CERS6: variants seen among roughly 807,000 people sequenced by gnomAD.
CERS6 encodes LAG1 homolog, ceramide synthase 6.
CERS6 carries 26 observed loss-of-function variants against 56.8 expected under a neutral mutation model. The observed-to-expected ratio is 0.46, with a 90% CI of 0.34 to 0.63. The LOEUF is 0.63. Among genes scored for constraint, CERS6 ranks in the 30% least tolerant of loss-of-function variants. The probability of loss-of-function intolerance (pLI) is 0.01; values close to 1 mark genes in which losing one functional copy is unlikely to be tolerated. For missense variants in CERS6, 415 were observed against 467.5 expected (o/e 0.89, Z 1.04); for synonymous variants, 164 against 173.3 (o/e 0.95, Z 0.42).
intron 1 of CERS6, among the ~76,000 whole-genome samples, chr2:168,513,365 G>A (rs752172070): frequency 6.6e-6 from 1 of 151,752 alleles, no homozygotes; most frequent in Non-Finnish European, 1.5e-5. Flanking sequence ...CTTTTTTTCT[G>A]TTCCAGGGTC....
intron 4 of CERS6, chr2:168,644,396 A>G: frequency 1.0e-6 from 1 of 975,126 alleles, no homozygotes; most frequent in Non-Finnish European, 1.2e-6. Context: ...GAATGATGAG[A>G]GGCAAGTGAG....
intron 1 of CERS6, among the ~76,000 whole-genome samples, chr2:168,477,172 A>T (rs1694088384): frequency 8.8e-6 from 1 of 113,098 alleles, no homozygotes. Flanking sequence ...TGAGGGAGAG[A>T]CAGAGAGAGA....
intron 6 of CERS6, among the ~76,000 whole-genome samples, chr2:168,698,198 C>CTGG (rs1686709282): frequency 7.6e-6 from 1 of 130,914 alleles, no homozygotes; most frequent in African/African-American, 2.8e-5. Context: ...CACCGCCGCA[C>CTGG]TCCAGCCGGG....
intron 3 of CERS6, among the ~76,000 whole-genome samples, chr2:168,563,207 G>A (rs1369837777): frequency 6.6e-6 from 1 of 152,144 alleles, no homozygotes; most frequent in Non-Finnish European, 1.5e-5. Flanking sequence ...TGGTGCCATT[G>A]GTCTATAGGT....
At chr2:168,519,650 T>G (rs545651233) in intron 1 of CERS6, among the ~76,000 whole-genome samples, 9 of 152,300 alleles carry the variant, frequency 5.9e-5, no homozygotes, top group Non-Finnish European at 8.8e-5. Flanking sequence ...GTTTTCTGTT[T>G]CCATGACAGT....
In CERS6 at chr2:168,773,039, T is replaced by G. The variant is rs891331703; in HGVS notation, c.*3377T>G. Reference sequence around the variant, plus strand: ...AGGGCCTGAATCTTCCATTTTATATTCAAACCTCATTGTTATTTGGCCTAA... The same window carrying G: ...AGGGCCTGAATCTTCCATTTTATATGCAAACCTCATTGTTATTTGGCCTAA... On this transcript the variant is annotated 3_prime_UTR_variant, in exon 10 of 10. Coordinates refer to ENST00000305747, the MANE Select transcript of CERS6 (RefSeq NM_203463.3). The G allele has an allele frequency of 1.3e-5, 2 of 152,234 alleles. No homozygotes were observed. The highest frequency in any genetic ancestry group is 2.9e-5 in the Non-Finnish European group (2 of 68,040). 9.4% of individuals were successfully genotyped at this position (152,234 alleles called of 1,614,324 possible).
intron 8 of CERS6, among the ~76,000 whole-genome samples, chr2:168,721,568 T>TAAAC (rs1687369818): frequency 4.0e-5 from 1 of 25,168 alleles, no homozygotes; most frequent in African/African-American, 1.3e-4. Context: ...TTTTTTTTGT[T>TAAAC]TAAAAAAAAC....
intron 1 of CERS6, among the ~76,000 whole-genome samples, chr2:168,534,893 A>G (rs114554134): frequency 0.021 from 3,125 of 152,296 alleles, 129 homozygotes; most frequent in East Asian, 0.18. Flanking sequence ...ATTAGGTCCA[A>G]GGAGATCCGT....
At chr2:168,543,873 C>T (rs1695416073) in intron 1 of CERS6, among the ~76,000 whole-genome samples, 1 of 152,136 alleles carries the variant, frequency 6.6e-6, no homozygotes, top group Admixed American at 6.6e-5. Flanking sequence ...GAAGTGGCTT[C>T]TTGAGTTGGA....
chr2:168,550,745 C>T (rs1695555261), intron 2 of CERS6, among the ~76,000 whole-genome samples: 1 of 152,234 alleles, frequency 6.6e-6, no homozygotes, highest in South Asian at 2.1e-4. Context: ...TGCATTGCAA[C>T]CTCTATGCCC....
At chr2:168,611,807 A>G (rs1216356768) in intron 3 of CERS6, among the ~76,000 whole-genome samples, 1 of 152,232 alleles carries the variant, frequency 6.6e-6, no homozygotes, top group Non-Finnish European at 1.5e-5. Context: ...TAAATTTAAC[A>G]AAAAAGCAAC....
intron 3 of CERS6, 50 bp downstream of exon 3, chr2:168,561,372 A>T: frequency 6.2e-7 from 1 of 1,606,322 alleles, no homozygotes; most frequent in Middle Eastern, 1.7e-4. Context: ...TACTCATGCC[A>T]ACCCTGAGGT....
chr2:168,773,635 G>C lies in CERS6; in HGVS notation c.*3973G>C, dbSNP rs968647493. The C allele has an allele frequency of 6.6e-6, 1 of 152,224 alleles. No homozygotes were observed. Among genetic ancestry groups the C allele is most frequent in the Non-Finnish European group, 1.5e-5 (1 of 68,052 alleles). 9.4% of individuals were successfully genotyped at this position (152,224 alleles called of 1,614,324 possible). On this transcript the variant is annotated 3_prime_UTR_variant, in exon 10 of 10. Coordinates refer to ENST00000305747, the MANE Select transcript of CERS6 (RefSeq NM_203463.3). ...ATGCTGTCCATGGAAGGAATAATCA[G>C]CAGTTCAGTTGTCACAAGCCGCCCT...
intron 1 of CERS6, among the ~76,000 whole-genome samples, chr2:168,530,566 G>A (rs549061386): frequency 6.6e-5 from 10 of 152,218 alleles, no homozygotes; most frequent in African/African-American, 2.4e-4. Context: ...ATGTTTCATT[G>A]TTTAAGATGA....
intron 1 of CERS6, among the ~76,000 whole-genome samples, chr2:168,512,255 G>A (rs1397177618): frequency 1.3e-5 from 2 of 152,100 alleles, no homozygotes; most frequent in East Asian, 3.8e-4. Flanking sequence ...TCTGGAGATG[G>A]ATGGTGGTGA....
intron 3 of CERS6, among the ~76,000 whole-genome samples, chr2:168,563,729 G>A (rs1031903275): frequency 7.9e-5 from 12 of 152,142 alleles, no homozygotes; most frequent in Non-Finnish European, 1.8e-4. Context: ...CCCGGGAGGT[G>A]GAGCTTGCAG....
chr2:168,624,380 C>T (rs1684543823), intron 3 of CERS6, among the ~76,000 whole-genome samples: 1 of 152,084 alleles, frequency 6.6e-6, no homozygotes, highest in Non-Finnish European at 1.5e-5. Flanking sequence ...TCTCTGGAGT[C>T]AAATTGCTTG....
chr2:168,659,011 C>T (rs551373008), intron 4 of CERS6, among the ~76,000 whole-genome samples: 13 of 152,334 alleles, frequency 8.5e-5, no homozygotes, highest in African/African-American at 2.9e-4. Flanking sequence ...ACACAGTATC[C>T]TCTTTGTGAG....
chr2:168,468,375 G>T (rs1261656489), intron 1 of CERS6, among the ~76,000 whole-genome samples: 2 of 152,210 alleles, frequency 1.3e-5, no homozygotes, highest in African/African-American at 2.4e-5. Context: ...CCACTGGTAA[G>T]GGCACACATC....
Sources: gnomAD v4.1 joint callset for allele counts (sites outside exome capture counted in the v4.1 genomes callset) on GRCh38, gnomAD v4.1.1 for gene constraint, MANE v1.5 for transcripts, NCBI Gene and HGNC (gene_info 2026-07-23, HGNC 2026-07-21) for gene names.